TACC3: variants seen among roughly 807,000 people sequenced by gnomAD.
TACC3 encodes transforming acidic coiled-coil-containing protein 3.
In TACC3, 52 loss-of-function variants were observed where a neutral mutation model predicts 86.0. The observed-to-expected ratio is 0.60, with a 90% confidence interval of 0.48 to 0.76. TACC3 has a LOEUF of 0.76. Among genes scored for constraint, TACC3 ranks in the 30% least tolerant of loss-of-function variants. The pLI is 0.00. For synonymous variants in TACC3, 512 were observed against 430.0 expected (o/e 1.19, Z -2.36); for missense variants, 1,120 against 1,070.4 (o/e 1.05, Z -0.65).
In TACC3 at chr4:1,739,784, G is replaced by A; in HGVS notation, c.2018+6G>A. 1 of 1,582,790 alleles carries A rather than the reference G, an allele frequency of 6.3e-7. No individual in the cohort carries two copies. Among genetic ancestry groups the A allele is most frequent in the South Asian group, 1.1e-5 (1 of 87,366 alleles). On this transcript the variant is annotated splice_donor_region_variant and intron_variant, in intron 11 of 15. Coordinates refer to ENST00000313288, the MANE Select transcript of TACC3 (RefSeq NM_006342.3). ...GGGAAGAACCTGGAACTGGGGTAAG[G>A]AGGCCCCGTCTCCTGTCCTCCCCGT...
At chr4:1,727,411 A>G (rs943493467) in intron 3 of TACC3, among the ~76,000 whole-genome samples, 2 of 152,358 alleles carry the variant, frequency 1.3e-5, no homozygotes, top group Non-Finnish European at 2.9e-5. Context: ...ACAATTAAAC[A>G]GGCAAGCAGC....
rs746022672 is a variant in TACC3 at position 1,727,923 on chromosome 4, T to C, written c.521T>C (p.Val174Ala). The C allele has an allele frequency of 6.2e-7, 1 of 1,613,936 alleles. No homozygotes were observed. Among genetic ancestry groups the C allele is most frequent in the East Asian group, 2.2e-5 (1 of 44,878 alleles). The change falls in exon 4 of 16, where the codon GTG becomes GCG. Residue 174 changes from valine (V) to alanine (A), a missense_variant. By Grantham distance (64) the Val-to-Ala change is moderately conservative. Coordinates refer to ENST00000313288, the MANE Select transcript of TACC3 (RefSeq NM_006342.3). ...SENQMVSPGK[V>A]SGSPEQAVEE... is the part of the protein sequence containing the mutation. Reference sequence around the variant, plus strand: ...AACCAAATGGTGTCTCCAGGAAAAGTGTCTGGCAGCCCTGAGCAAGCCGTG... The same window carrying C: ...AACCAAATGGTGTCTCCAGGAAAAGCGTCTGGCAGCCCTGAGCAAGCCGTG...
intron 3 of TACC3, among the ~76,000 whole-genome samples, chr4:1,725,177 C>T (rs1157999435): frequency 2.0e-5 from 3 of 152,208 alleles, no homozygotes; most frequent in East Asian, 1.9e-4. Context: ...GGTGATCTGC[C>T]GGCCTCGGCC....
chr4:1,722,526 C>T (rs1206139402), intron 1 of TACC3, among the ~76,000 whole-genome samples: 3 of 152,176 alleles, frequency 2.0e-5, no homozygotes, highest in Non-Finnish European at 4.4e-5. Context: ...CCACAGTGGG[C>T]TTCTCAAGCT....
Position 1,745,036 on chromosome 4 carries a change from G to T in TACC3, c.*23G>T, listed in dbSNP as rs199702094. 71 of 1,589,690 alleles carry T rather than the reference G, an allele frequency of 4.5e-5. No individual in the cohort carries two copies. The Middle Eastern group carries it at 2.0e-3, about 44-fold the overall frequency. On this transcript the variant is annotated 3_prime_UTR_variant, in exon 16 of 16. Transcript: ENST00000313288. ...TGACCTCCACGGAGCCGCTGTCCCC[G>T]CCCCCCTGCTCCCGTCTGTCTGTCC...
chr4:1,738,657 A>G (rs2108711845), intron 10 of TACC3, among the ~76,000 whole-genome samples: 1 of 152,376 alleles, frequency 6.6e-6, no homozygotes, highest in Non-Finnish European at 1.5e-5. Flanking sequence ...AGCAATGGCA[A>G]GAGCACACCT....
chr4:1,729,380 A>G (rs1350083743), intron 4 of TACC3, among the ~76,000 whole-genome samples: 1 of 152,038 alleles, frequency 6.6e-6, no homozygotes, highest in Admixed American at 6.6e-5. Context: ...GGCCCGGGGG[A>G]CCACTACCAC....
chr4:1,727,510 G>A (rs959787246), intron 3 of TACC3, among the ~76,000 whole-genome samples, 198 bp from the exon 4 acceptor site: 3 of 152,158 alleles, frequency 2.0e-5, no homozygotes, highest in African/African-American at 2.4e-5. Context: ...CCGTTCCACC[G>A]GGAGCTGGTC....
chr4:1,744,683 C>G (rs374416824), intron 14 of TACC3, 29 bp from the exon 15 acceptor site: 169 of 1,612,082 alleles, frequency 1.0e-4, no homozygotes, highest in Non-Finnish European at 1.4e-4. Context: ...GGCCCCAGCT[C>G]AGCCTCTGCC....
chr4:1,721,794 G>C (rs966113875), intron 1 of TACC3, 151 bp downstream of exon 1: 2 of 152,100 alleles, frequency 1.3e-5, no homozygotes, highest in African/African-American at 4.8e-5. Context: ...GCCGCCGCCA[G>C]AACCTGTACC....
intron 1 of TACC3, among the ~76,000 whole-genome samples, chr4:1,722,217 A>G (rs1301922634): frequency 3.3e-5 from 5 of 151,936 alleles, no homozygotes; most frequent in Non-Finnish European, 4.4e-5. Flanking sequence ...ATAGTCAGTA[A>G]AGGCCCCTCC....
At chr4:1,741,041 C>T in intron 13 of TACC3, 55 bp downstream of exon 13, 1 of 1,529,908 alleles carries the variant, frequency 6.5e-7, no homozygotes. Flanking sequence ...ACTCATGGTC[C>T]AAGCCAGCGG....
rs1321982928 is a variant in TACC3, at chr4:1,728,563, G to A, written c.1161G>A (p.Arg387=). 1 of 1,613,892 alleles carries A rather than the reference G, an allele frequency of 6.2e-7. No homozygotes were observed. The highest frequency in any genetic ancestry group is 8.5e-7 in the Non-Finnish European group (1 of 1,179,980). The change falls in exon 4 of 16, where the codon AGG becomes AGA. Residue 387 remains arginine (R), a synonymous_variant. Coordinates refer to ENST00000313288, the MANE Select transcript of TACC3 (RefSeq NM_006342.3). ...APQEVEEDDG[R]SGAGEDPPMP... ...AGGAGGTGGAGGAGGACGACGGTAG[G>A]AGCGGAGCAGGAGAGGACCCCCCCA...
Position 1,744,508 on chromosome 4 carries a change from C to T in TACC3, c.2224-10C>T. ...CGTGGTACCCACAGCTAATGCCTGC[C>T]CCTTCCTAGAACGAAGAGTCACTGA... On this transcript the variant is annotated splice_polypyrimidine_tract_variant and intron_variant, in intron 13 of 15. Coordinates refer to ENST00000313288, the MANE Select transcript of TACC3 (RefSeq NM_006342.3). 2.5e-6 allele frequency: 4 copies of T among 1,611,420 alleles called. No individual in the cohort carries two copies. Among genetic ancestry groups the T allele is most frequent in the Admixed American group, 1.7e-5 (1 of 59,888 alleles).
At chr4:1,740,408 C>G (rs1718529017) in intron 12 of TACC3, 2 of 351,614 alleles carry the variant, frequency 5.7e-6, no homozygotes, top group Non-Finnish European at 1.1e-5. Flanking sequence ...GCTTGGGCTC[C>G]TGGAGGTGCT....
intron 1 of TACC3, among the ~76,000 whole-genome samples, chr4:1,722,216 A>G (rs1349350073): frequency 6.6e-6 from 1 of 152,078 alleles, no homozygotes; most frequent in Non-Finnish European, 1.5e-5. Context: ...CATAGTCAGT[A>G]AAGGCCCCTC....
upstream of TACC3, chr4:1,720,821 A>G (rs1179111738): frequency 3.2e-6 from 5 of 1,586,762 alleles, no homozygotes; most frequent in South Asian, 2.3e-5. The surrounding 1 kb of genome is among the most constrained non-coding windows in gnomAD (Gnocchi z 4.4). Flanking sequence ...AGTGAAGGTC[A>G]CCTCGGGGCT....
intron 13 of TACC3, among the ~76,000 whole-genome samples, chr4:1,744,255 G>T (rs575899777): frequency 6.6e-6 from 1 of 152,372 alleles, no homozygotes; most frequent in Admixed American, 6.5e-5. Flanking sequence ...GAGGCTGCAG[G>T]TGTGGCAGGA....
chr4:1,727,928 G>C lies in TACC3; in HGVS notation c.526G>C (p.Gly176Arg). ...AATGGTGTCTCCAGGAAAAGTGTCT[G>C]GCAGCCCTGAGCAAGCCGTGGAGGA... Reference protein sequence around the residue: ...NQMVSPGKVSGSPEQAVEENL... With the variant: ...NQMVSPGKVSRSPEQAVEENL... The change falls in exon 4 of 16, where the codon GGC becomes CGC. Residue 176 changes from glycine (G) to arginine (R), a missense_variant. Coordinates refer to ENST00000313288, the MANE Select transcript of TACC3 (RefSeq NM_006342.3). The C allele has an allele frequency of 1.2e-6, 2 of 1,613,966 alleles. No homozygotes were observed. Among genetic ancestry groups the C allele is most frequent in the Non-Finnish European group, 1.7e-6 (2 of 1,180,040 alleles).
Sources: gnomAD v4.1 joint callset for allele counts (sites outside exome capture counted in the v4.1 genomes callset) on GRCh38, gnomAD v4.1.1 for gene constraint, Gnocchi (gnomAD v3.1) non-coding constraint, MANE v1.5 for transcripts, NCBI Gene and HGNC (gene_info 2026-07-23, HGNC 2026-07-21) for gene names.